Variants in CSNK1G1 observed in about 807,000 individuals in gnomAD.
The protein encoded by CSNK1G1 is casein kinase 1 gamma 1.
A neutral mutation model predicts 59.6 loss-of-function variants in CSNK1G1; 22 were observed. The observed-to-expected ratio is 0.37, with a 90% CI of 0.26 to 0.53. The LOEUF (loss-of-function observed/expected upper bound fraction) is 0.53, where lower values mean the gene tolerates loss of function less well. CSNK1G1 is among the 20% of genes least tolerant of loss of function. The pLI is 0.89. For missense variants in CSNK1G1, 384 were observed against 519.5 expected (o/e 0.74, Z 2.54); for synonymous variants, 179 against 177.1 (o/e 1.01, Z -0.08).
intron 10 of CSNK1G1, among the ~76,000 whole-genome samples, chr15:64,183,656 GAAAAT>G: frequency 6.6e-6 from 1 of 151,212 alleles, no homozygotes; most frequent in South Asian, 2.1e-4. Context: ...ATGATGTTTA[GAAAAT>G]AAATTTTAAA....
intron 2 of CSNK1G1, among the ~76,000 whole-genome samples, chr15:64,266,407 A>T (rs570194273): frequency 6.6e-6 from 1 of 152,288 alleles, no homozygotes; most frequent in East Asian, 1.9e-4. Flanking sequence ...AAATAAAAAT[A>T]AAAAATCGGA....
chr15:64,294,317 G>A (rs571540862), intron 2 of CSNK1G1, among the ~76,000 whole-genome samples: 5 of 151,972 alleles, frequency 3.3e-5, no homozygotes, highest in South Asian at 2.1e-4. Context: ...CAGGTGATCC[G>A]CCCACCTCGG....
intron 2 of CSNK1G1, among the ~76,000 whole-genome samples, chr15:64,279,328 T>C (rs895247290): frequency 1.3e-5 from 2 of 152,216 alleles, no homozygotes; most frequent in African/African-American, 4.8e-5. Context: ...TTGACTGCTA[T>C]TGTAGGAAAT....
rs1480872036 is a variant in CSNK1G1 at position 64,200,924 on chromosome 15, A to T, written c.1107+2158T>A. On this transcript the variant is annotated intron_variant, in intron 10 of 11. Transcript: ENST00000303052. This position sits in a 1 kb window ranked among gnomAD's most constrained non-coding sequence, Gnocchi z 4.3. ...CATAACCTATACTTTGAGTGGTTTT[A>T]TTGATTGATTTCAAGAAGTAAGGTA... is the stretch of plus-strand genomic sequence containing the variant. 6.6e-6 allele frequency among the ~76,000 whole-genome samples: 1 copy of T among 152,176 alleles called. No individual in the cohort carries two copies. Among genetic ancestry groups the T allele is most frequent in the Non-Finnish European group, 1.5e-5 (1 of 68,034 alleles).
At chr15:64,199,018 G>A (rs2082072212) in intron 10 of CSNK1G1, among the ~76,000 whole-genome samples, 1 of 151,366 alleles carries the variant, frequency 6.6e-6, no homozygotes, top group South Asian at 2.1e-4. Context: ...GAGGTGGGCA[G>A]ATTGCTTGAA....
At chr15:64,317,566 ATC>A (rs759425381) in intron 1 of CSNK1G1, among the ~76,000 whole-genome samples, 2 of 137,476 alleles carry the variant, frequency 1.5e-5, no homozygotes, top group Non-Finnish European at 3.1e-5. Context: ...ATTACATTTC[ATC>A]TGTTTTTACT....
rs1293810478 is a variant in CSNK1G1 at position 64,188,435 on chromosome 15, C to T, written c.1108-7981G>A. On this transcript the variant is annotated intron_variant, in intron 10 of 11. Coordinates refer to ENST00000303052, the MANE Select transcript of CSNK1G1 (RefSeq NM_022048.5). This position sits in a 1 kb window ranked among gnomAD's most constrained non-coding sequence, Gnocchi z 4.2. ...GAGACGTTAGGTATGAGGTATTGGTCTGCCGGCTGGGCTGAATTTCCCACT... is the reference window on the plus strand; with the variant it reads ...GAGACGTTAGGTATGAGGTATTGGTTTGCCGGCTGGGCTGAATTTCCCACT... 2 of 1,536,044 alleles carry T rather than the reference C, an allele frequency of 1.3e-6. No individual in the cohort carries two copies. Among genetic ancestry groups the T allele is most frequent in the African/African-American group, 2.7e-5 (2 of 73,050 alleles).
intron 4 of CSNK1G1, among the ~76,000 whole-genome samples, chr15:64,217,616 G>A (rs1300230899): frequency 6.6e-6 from 1 of 152,074 alleles, no homozygotes; most frequent in Non-Finnish European, 1.5e-5. Context: ...TCAAGAGTTT[G>A]AGACCAGCCT....
chr15:64,227,323 G>A (rs1421383635), intron 4 of CSNK1G1, among the ~76,000 whole-genome samples: 2 of 152,206 alleles, frequency 1.3e-5, no homozygotes, highest in Admixed American at 6.5e-5. Context: ...ATTCAGAGTT[G>A]CAATATTTCT....
rs1441610794 is a variant in CSNK1G1, at chr15:64,237,461, A to G, written c.292+14051T>C. On this transcript the variant is annotated intron_variant, in intron 4 of 11. Coordinates refer to ENST00000303052, the MANE Select transcript of CSNK1G1 (RefSeq NM_022048.5). ...AATTTTCTACCCAAATGAAGATCAA[A>G]AGGTTTCTTCTAAGTTCCCTAAGCA... 2.0e-5 allele frequency among the ~76,000 whole-genome samples: 3 copies of G among 152,126 alleles called. No homozygotes were observed. In the East Asian group the frequency reaches 5.8e-4, roughly 29 times the overall value.
At chr15:64,211,102 ATGAC>A (rs1235328788) in intron 6 of CSNK1G1, among the ~76,000 whole-genome samples, 1 of 152,208 alleles carries the variant, frequency 6.6e-6, no homozygotes, top group Non-Finnish European at 1.5e-5. Flanking sequence ...TCTTTATAAA[ATGAC>A]CCAGCCTCAG....
rs1312973681 is a variant in CSNK1G1, at chr15:64,210,683, T to G, written c.680-3089A>C. On this transcript the variant is annotated intron_variant, in intron 6 of 11. Coordinates refer to ENST00000303052, the MANE Select transcript of CSNK1G1 (RefSeq NM_022048.5). This position sits in a 1 kb window ranked among gnomAD's most constrained non-coding sequence, Gnocchi z 4.2. The stretch of plus-strand genomic sequence containing the variant: ...GTGTTCTCACCCTAATTTCAACCAT[T>G]AAATAATATAAATTGGGCTTCTCAG... Among the ~76,000 whole-genome samples the G allele has an allele frequency of 6.6e-6, 1 of 152,100 alleles. No individual in the cohort carries two copies. The highest frequency in any genetic ancestry group is 1.5e-5 in the Non-Finnish European group (1 of 68,004).
intron 1 of CSNK1G1, among the ~76,000 whole-genome samples, chr15:64,341,484 G>A (rs1404880698): frequency 6.6e-6 from 1 of 152,106 alleles, no homozygotes; most frequent in Non-Finnish European, 1.5e-5. Flanking sequence ...TGGTTGGTTG[G>A]TTGGTTTCAA....
At chr15:64,333,257 CAAAAAAAAAAA>C (rs60857897) in intron 1 of CSNK1G1, among the ~76,000 whole-genome samples, 15 of 16,514 alleles carry the variant, frequency 9.1e-4, no homozygotes, top group South Asian at 5.3e-3. Flanking sequence ...GACTCCATCT[CAAAAAAAAAAA>C]AAAAAAAAAA....
chr15:64,275,884 T>G (rs1893585113), intron 2 of CSNK1G1, among the ~76,000 whole-genome samples: 2 of 152,216 alleles, frequency 1.3e-5, no homozygotes, highest in Admixed American at 6.5e-5. Flanking sequence ...GTGTGAGTTA[T>G]GATCAAAGAA....
rs374002042 is a variant in CSNK1G1, at chr15:64,171,976, A to G, written c.1224T>C (p.Cys408=). ...TCTTCTTCCTTTTCCTCTTAAAGAA[A>G]CAGCAGCACCTGGAGCACAAGGAAC... ...VEVVEEAKCC[C]FFKRKRKKTA... The change falls in exon 12 of 12, where the codon TGT becomes TGC. Residue 408 remains cysteine (C), a synonymous_variant. Coordinates refer to ENST00000303052, the MANE Select transcript of CSNK1G1 (RefSeq NM_022048.5). This position sits in a 1 kb window ranked among gnomAD's most constrained non-coding sequence, Gnocchi z 4.8. The G allele has an allele frequency of 6.2e-6, 10 of 1,613,998 alleles. No homozygotes were observed. The highest frequency in any genetic ancestry group is 7.6e-6 in the Non-Finnish European group (9 of 1,180,010).
intron 4 of CSNK1G1, among the ~76,000 whole-genome samples, chr15:64,224,520 T>C (rs2082431467): frequency 6.6e-6 from 1 of 152,186 alleles, no homozygotes; most frequent in Admixed American, 6.5e-5. Context: ...TATATCTTTT[T>C]TAAAAAAGAA....
rs1764999196 is a variant in CSNK1G1, at chr15:64,196,190, C to G, written c.1107+6892G>C. ...TGTGATCACGCCACTACACTCTATC[C>G]TGAGAGGTGGAGTGAGATCCCATCT... On this transcript the variant is annotated intron_variant, in intron 10 of 11. Transcript: ENST00000303052. Among the ~76,000 whole-genome samples, 3 of 152,076 alleles carry G rather than the reference C, an allele frequency of 2.0e-5. No homozygotes were observed. In the South Asian group the frequency reaches 6.2e-4, roughly 32 times the overall value.
intron 2 of CSNK1G1, among the ~76,000 whole-genome samples, chr15:64,270,525 C>T (rs897243006): frequency 1.3e-5 from 2 of 151,930 alleles, no homozygotes; most frequent in Non-Finnish European, 2.9e-5. Context: ...TTTGGGAGGC[C>T]GAGATGGGCG....
Sources: allele counts gnomAD v4.1 joint callset (sites outside exome capture counted in the v4.1 genomes callset), GRCh38; gene constraint gnomAD v4.1.1; non-coding constraint Gnocchi (gnomAD v3.1); transcripts MANE v1.5; gene names NCBI Gene and HGNC (gene_info 2026-07-23, HGNC 2026-07-21).